Variants in PIK3C2B observed in about 807,000 individuals in gnomAD.
PIK3C2B encodes the protein phosphatidylinositol 4-phosphate 3-kinase C2 domain-containing subunit beta.
PIK3C2B carries 83 observed loss-of-function variants against 184.3 expected under a neutral mutation model. That is an observed-to-expected ratio of 0.45 (90% CI 0.38 to 0.54). PIK3C2B has a LOEUF of 0.54. Among genes scored for constraint, PIK3C2B ranks in the 20% least tolerant of loss-of-function variants. PIK3C2B has a pLI of 0.00. For missense variants in PIK3C2B, 1,736 were observed against 2,113.5 expected, an observed-to-expected ratio of 0.82 and a Z score of 3.50; for synonymous variants, 779 against 837.6, an observed-to-expected ratio of 0.93 and a Z score of 1.21.
chr1:204,494,253 T>C (rs992943750), intron 1 of PIK3C2B, 103 bp downstream of exon 1: 3 of 152,384 alleles, frequency 2.0e-5, no homozygotes, highest in South Asian at 2.1e-4. Context: ...GCACCTCCGC[T>C]GTTGCCATGT....
At chr1:204,449,089 C>G (rs1654123748) in intron 14 of PIK3C2B, 96 bp downstream of exon 14, 2 of 838,754 alleles carry the variant, frequency 2.4e-6, no homozygotes, top group African/African-American at 3.4e-5. Context: ...TTCTAGCACT[C>G]TCTCCTGCTG....
intron 28 of PIK3C2B, chr1:204,431,394 T>C: frequency 2.0e-6 from 1 of 497,262 alleles, no homozygotes. Context: ...TGAAAAATGG[T>C]GTAACTCTTT....
At chr1:204,462,739 C>T (rs1344754400) in intron 5 of PIK3C2B, among the ~76,000 whole-genome samples, 1 of 152,134 alleles carries the variant, frequency 6.6e-6, no homozygotes, top group Admixed American at 6.5e-5. Context: ...GAAAGGACCC[C>T]ACAATATCCT....
At chr1:204,484,596 T>A (rs1657442648) in intron 1 of PIK3C2B, among the ~76,000 whole-genome samples, 1 of 152,134 alleles carries the variant, frequency 6.6e-6, no homozygotes, top group Non-Finnish European at 1.5e-5. Context: ...TAGCTGGGCA[T>A]GGTGGCGCAT....
chr1:204,471,961 TGA>T (rs1359948163), intron 1 of PIK3C2B, among the ~76,000 whole-genome samples: 3 of 36,268 alleles, frequency 8.3e-5, no homozygotes, highest in Admixed American at 6.9e-4. Context: ...GCCAAAATAT[TGA>T]TTTTTTTTTT....
chr1:204,491,383 T>G (rs1284717692), intron 1 of PIK3C2B, among the ~76,000 whole-genome samples: 1 of 142,800 alleles, frequency 7.0e-6, no homozygotes, highest in Non-Finnish European at 1.6e-5. Context: ...GGTGAGACTC[T>G]GTCTCAAAAA....
At chr1:204,435,236 G>A (rs1172842806) in intron 23 of PIK3C2B, 1 of 152,172 alleles carries the variant, frequency 6.6e-6, no homozygotes, top group Non-Finnish European at 1.5e-5. Flanking sequence ...GGTAAAATAT[G>A]TTAGAGATAT....
rs545904416 is a variant in PIK3C2B at position 204,467,833 on chromosome 1, C to CA, written c.933+1036dup. Among the ~76,000 whole-genome samples, 47 of 88,580 alleles carry CA rather than the reference C, an allele frequency of 5.3e-4. 1 individual carries two copies. Among genetic ancestry groups the CA allele is most frequent in the Admixed American group, 4.1e-3 (30 of 7,256 alleles). The allele number at this position is 88,580 out of a possible 152,430, so 58.1% of individuals were successfully genotyped here. A position where few individuals can be genotyped will look rare whatever the true frequency, so the allele number is the denominator to read the frequency against. On this transcript the variant is annotated intron_variant, in intron 2 of 32. Transcript: ENST00000684373. Reference sequence around the variant, plus strand: ...CTGGTGACAGAGTGAGACTCTGTCTCAAAAAAAAAAAAAAAAAGAAGGCAT... The same window carrying CA: ...CTGGTGACAGAGTGAGACTCTGTCTCAAAAAAAAAAAAAAAAAAGAAGGCAT...
intron 1 of PIK3C2B, among the ~76,000 whole-genome samples, chr1:204,479,053 T>C (rs1327412726): frequency 1.3e-5 from 2 of 152,222 alleles, no homozygotes; most frequent in South Asian, 2.1e-4. Flanking sequence ...GTGAGGCAGC[T>C]TGTGGCTCCT....
intron 1 of PIK3C2B, chr1:204,490,210 GGAA>G (rs1657916931): frequency 2.9e-6 from 1 of 343,734 alleles, no homozygotes; most frequent in Admixed American, 4.8e-5. Context: ...CTCAGGAAGA[GGAA>G]GGAGTGAATT....
At chr1:204,493,831 C>A (rs1279434398) in intron 1 of PIK3C2B, among the ~76,000 whole-genome samples, 1 of 152,196 alleles carries the variant, frequency 6.6e-6, no homozygotes, top group African/African-American at 2.4e-5. Flanking sequence ...CTCTTTCAAG[C>A]TTTCAGTCTC....
intron 12 of PIK3C2B, among the ~76,000 whole-genome samples, chr1:204,453,661 G>A (rs1429466121): frequency 6.6e-6 from 1 of 152,150 alleles, no homozygotes; most frequent in East Asian, 1.9e-4. Flanking sequence ...CCTCTCCATA[G>A]TCTACAGGAA....
intron 12 of PIK3C2B, among the ~76,000 whole-genome samples, chr1:204,452,087 G>A (rs1405127260): frequency 6.6e-6 from 1 of 152,134 alleles, no homozygotes; most frequent in East Asian, 1.9e-4. Context: ...CGGGGCTTCT[G>A]GATGGACAGT....
chr1:204,487,084 C>T (rs1024554482), intron 1 of PIK3C2B, among the ~76,000 whole-genome samples: 3 of 152,088 alleles, frequency 2.0e-5, no homozygotes, highest in Non-Finnish European at 4.4e-5. Context: ...CTGGTACAGG[C>T]GTGAGCCACT....
At chr1:204,449,403 C>A in intron 13 of PIK3C2B, 107 bp from the exon 14 acceptor site, 1 of 785,866 alleles carries the variant, frequency 1.3e-6, no homozygotes, top group Non-Finnish European at 2.2e-6. Context: ...AGCCATCATC[C>A]AACTCCCCTC....
In PIK3C2B at chr1:204,447,455, G is replaced by C; in HGVS notation, c.2470C>G (p.Gln824Glu). 2 of 1,613,882 alleles carry C rather than the reference G, an allele frequency of 1.2e-6. No individual in the cohort carries two copies. Among genetic ancestry groups the C allele is most frequent in the Non-Finnish European group, 1.7e-6 (2 of 1,179,936 alleles). Residue 824 changes from glutamine to glutamate, a missense_variant, in exon 15 of 33, where the codon CAG (glutamine) becomes GAG (glutamate). Coordinates refer to ENST00000684373, the MANE Select transcript of PIK3C2B (RefSeq NM_001377334.1). This position sits in a 1 kb window ranked among gnomAD's most constrained non-coding sequence, Gnocchi z 4.1. Reference protein sequence around the residue: ...EDQRKLKDIMQKESLYWLTDA... With the variant: ...EDQRKLKDIMEKESLYWLTDA... Reference sequence around the variant, plus strand: ...TCTCACCAGTACAAGGACTCTTTCTGCATGATGTCTTTAAGCTTGCGCTGG... The same window carrying C: ...TCTCACCAGTACAAGGACTCTTTCTCCATGATGTCTTTAAGCTTGCGCTGG...
chr1:204,493,496 G>C (rs1171131193), intron 1 of PIK3C2B, among the ~76,000 whole-genome samples: 5 of 143,678 alleles, frequency 3.5e-5, no homozygotes, highest in Admixed American at 7.0e-5. Context: ...GAAAAGGCAG[G>C]CCTGAAGGAG....
Position 204,424,899 on chromosome 1 carries a change from TCTC to T in PIK3C2B, c.4855_4857del (p.Glu1619del), listed in dbSNP as rs1211856500. ...GATCCCAGGGCGAACCAGCCGGTCT[TCTC>T]CTGAGCCAGGTCCAGCTCTCGCAGG... On this transcript the variant is annotated inframe_deletion, in exon 33 of 33. Coordinates refer to ENST00000684373, the MANE Select transcript of PIK3C2B (RefSeq NM_001377334.1). 1 of 1,614,160 alleles carries T rather than the reference TCTC, an allele frequency of 6.2e-7. No individual in the cohort carries two copies. The highest frequency in any genetic ancestry group is 8.5e-7 in the Non-Finnish European group (1 of 1,180,016).
intron 20 of PIK3C2B, among the ~76,000 whole-genome samples, chr1:204,441,852 A>G (rs1489369315): frequency 6.6e-6 from 1 of 151,904 alleles, no homozygotes; most frequent in Admixed American, 6.6e-5. Flanking sequence ...GGTAAGTCAC[A>G]TGTCCCATCT....
Sources: gnomAD v4.1 joint callset for allele counts (sites outside exome capture counted in the v4.1 genomes callset) on GRCh38, gnomAD v4.1.1 for gene constraint, Gnocchi (gnomAD v3.1) non-coding constraint, MANE v1.5 for transcripts, NCBI Gene and HGNC (gene_info 2026-07-23, HGNC 2026-07-21) for gene names.